Variants in CRB1 observed in about 807,000 individuals in gnomAD.
The protein encoded by CRB1 is protein crumbs homolog 1.
A neutral mutation model predicts 120.0 loss-of-function variants in CRB1; 83 were observed. That is an observed-to-expected ratio of 0.69 (90% CI 0.58 to 0.83). The LOEUF is 0.83. Among genes scored for constraint, CRB1 ranks in the 40% least tolerant of loss-of-function variants. The pLI is 0.00. For synonymous variants in CRB1, 625 were observed against 612.5 expected (o/e 1.02, Z -0.30); for missense variants, 1,699 against 1,687.6 (o/e 1.01, Z -0.12).
intron 1 of CRB1, among the ~76,000 whole-genome samples, chr1:197,318,266 A>G (rs1267232404): frequency 1.3e-5 from 2 of 152,212 alleles, no homozygotes; most frequent in African/African-American, 2.4e-5. Flanking sequence ...AGAAATCATC[A>G]GGGAAAGGCA....
At chr1:197,265,770 T>C (rs1425750713), upstream of CRB1, among the ~76,000 whole-genome samples, 4 of 152,226 alleles carry the variant, frequency 2.6e-5, no homozygotes, top group Admixed American at 1.3e-4. Context: ...TGTTTCATTT[T>C]ATCATCCCCA....
intron 11 of CRB1, among the ~76,000 whole-genome samples, chr1:197,448,241 T>G (rs553175689): frequency 1.2e-4 from 18 of 152,364 alleles, no homozygotes; most frequent in African/African-American, 4.3e-4. Context: ...TCATGTGGTT[T>G]GTTATTTTTT....
chr1:197,229,343 A>T, the CRB1 span, among the ~76,000 whole-genome samples: 109 of 152,336 alleles, frequency 7.2e-4, no homozygotes, highest in African/African-American at 2.4e-3. Flanking sequence ...CATTTTCTAT[A>T]AAGGAACTTG....
chr1:197,249,600 GT>G, the CRB1 span, among the ~76,000 whole-genome samples: 7 of 151,978 alleles, frequency 4.6e-5, no homozygotes, highest in Admixed American at 3.9e-4. Flanking sequence ...AATGTTCAGA[GT>G]TTTTATTTCC....
rs1428593597 is a variant in CRB1, at chr1:197,268,369, C to G, written c.-44C>G. The G allele has an allele frequency of 2.1e-6, 3 of 1,460,710 alleles. No individual in the cohort carries two copies. In the South Asian group the frequency reaches 3.4e-5, roughly 17 times the overall value. The allele number at this position is 1,460,710 out of a possible 1,614,324, so 90.5% of individuals were successfully genotyped here. On this transcript the variant is annotated 5_prime_UTR_variant, in exon 1 of 12. Transcript: ENST00000367400. ...CAGGGATCAGGAGCCGGACTGGGAC[C>G]AGACCACCAGCAACACACCAGAGGA...
intron 2 of CRB1, among the ~76,000 whole-genome samples, chr1:197,330,107 A>G (rs541466703): frequency 7.9e-5 from 12 of 152,288 alleles, no homozygotes; most frequent in African/African-American, 2.6e-4. Flanking sequence ...TTCTAAAACT[A>G]TATATTTTAT....
chr1:197,418,182 A>T (rs1001896390), intron 5 of CRB1, among the ~76,000 whole-genome samples: 1 of 152,118 alleles, frequency 6.6e-6, no homozygotes, highest in African/African-American at 2.4e-5. Flanking sequence ...CTTGTTATTA[A>T]TTTTTTTGTT....
chr1:197,306,770 G>T (rs1451319594), intron 1 of CRB1, among the ~76,000 whole-genome samples: 2 of 152,098 alleles, frequency 1.3e-5, no homozygotes, highest in Non-Finnish European at 2.9e-5. Context: ...AGTAGAGAGG[G>T]GTCTCTGTCT....
chr1:197,418,380 T>C (rs1023512277), intron 5 of CRB1, among the ~76,000 whole-genome samples: 2 of 152,214 alleles, frequency 1.3e-5, no homozygotes, highest in African/African-American at 2.4e-5. Flanking sequence ...ATTACTTCCA[T>C]TCAGTTCTAT....
the CRB1 span, among the ~76,000 whole-genome samples, chr1:197,236,195 C>CTT: frequency 4.3e-3 from 485 of 113,036 alleles, 16 homozygotes; most frequent in Middle Eastern, 0.014. Context: ...CTTTTATTTC[C>CTT]TTTTTTTTTT....
intron 4 of CRB1, among the ~76,000 whole-genome samples, chr1:197,354,825 A>G (rs1417531871): frequency 2.8e-4 from 4 of 14,212 alleles, no homozygotes; most frequent in African/African-American, 5.8e-4. Flanking sequence ...CCGCCCCCCC[A>G]CCCCCCCCCC....
In CRB1 at chr1:197,298,734, T is replaced by A. The variant is rs1423351218; in HGVS notation, c.71-29688T>A. 2.0e-5 allele frequency among the ~76,000 whole-genome samples: 3 copies of A among 151,968 alleles called. No homozygotes were observed. In the East Asian group the frequency reaches 5.8e-4, roughly 29 times the overall value. The stretch of plus-strand genomic sequence containing the variant: ...AGACTCAGAAACGGCCATATATAAG[T>A]GGAAAATTATACATAAGAGAAATGG... On this transcript the variant is annotated intron_variant, in intron 1 of 11. Transcript: ENST00000367400.
chr1:197,387,058 A>G (rs1662252847), intron 5 of CRB1, among the ~76,000 whole-genome samples: 2 of 152,182 alleles, frequency 1.3e-5, no homozygotes, highest in Admixed American at 1.3e-4. Flanking sequence ...ACATCACTCC[A>G]TTGGTCCTTG....
intron 1 of CRB1, among the ~76,000 whole-genome samples, chr1:197,317,079 A>G (rs1351684204): frequency 6.6e-6 from 1 of 152,214 alleles, no homozygotes; most frequent in Non-Finnish European, 1.5e-5. Context: ...ATGTCCGTAC[A>G]ATGTACACCT....
intron 5 of CRB1, among the ~76,000 whole-genome samples, chr1:197,373,080 C>G (rs1661457765): frequency 6.6e-6 from 1 of 152,110 alleles, no homozygotes; most frequent in Admixed American, 6.6e-5. Flanking sequence ...TATTCTCCCT[C>G]CATGGCCATG....
intron 2 of CRB1, among the ~76,000 whole-genome samples, chr1:197,336,647 T>A (rs1479136781): frequency 1.3e-5 from 2 of 152,198 alleles, no homozygotes; most frequent in Non-Finnish European, 2.9e-5. Flanking sequence ...TAACAAATAT[T>A]CACTCAGCAA....
intron 11 of CRB1, among the ~76,000 whole-genome samples, chr1:197,446,154 C>T (rs1470086445): frequency 6.6e-6 from 1 of 151,198 alleles, no homozygotes; most frequent in Non-Finnish European, 1.5e-5. Context: ...CACACCATTA[C>T]ACTCCAGCCT....
intron 1 of CRB1, among the ~76,000 whole-genome samples, chr1:197,296,248 A>G (rs1656511643): frequency 6.6e-6 from 1 of 152,000 alleles, no homozygotes; most frequent in Non-Finnish European, 1.5e-5. Flanking sequence ...TTCTATCTCC[A>G]CTACTTACCA....
the CRB1 span, among the ~76,000 whole-genome samples, chr1:197,218,822 A>G: frequency 6.6e-6 from 1 of 152,208 alleles, no homozygotes; most frequent in Non-Finnish European, 1.5e-5. Context: ...GGAAACACCT[A>G]TTTGAGCAGC....
Sources: gnomAD v4.1 joint callset for allele counts (sites outside exome capture counted in the v4.1 genomes callset) on GRCh38, gnomAD v4.1.1 for gene constraint, MANE v1.5 for transcripts, NCBI Gene and HGNC (gene_info 2026-07-23, HGNC 2026-07-21) for gene names.